Variants in TECTB observed in about 807,000 individuals in gnomAD.
TECTB encodes beta-tectorin.
TECTB carries 45 observed loss-of-function variants against 43.3 expected under a neutral mutation model. That is an observed-to-expected ratio of 1.04 (90% CI 0.82 to 1.33). The LOEUF (loss-of-function observed/expected upper bound fraction) is 1.33, where lower values mean the gene tolerates loss of function less well. Ranked by LOEUF, TECTB falls within the 40% of genes most tolerant of loss-of-function variation. The probability of loss-of-function intolerance (pLI) is 0.00; values close to 1 mark genes in which losing one functional copy is unlikely to be tolerated. For missense variants in TECTB, 399 were observed against 404.7 expected (o/e 0.99, Z 0.12); for synonymous variants, 169 against 156.7 (o/e 1.08, Z -0.59).
intron 8 of TECTB, among the ~76,000 whole-genome samples, chr10:112,298,797 G>A (rs889732518): frequency 6.6e-6 from 1 of 152,152 alleles, no homozygotes; most frequent in Admixed American, 6.5e-5. Context: ...CAGTCATGCC[G>A]GTGCTCACTC....
intron 5 of TECTB, 149 bp downstream of exon 5, chr10:112,286,540 T>C (rs1452514330): frequency 7.2e-6 from 6 of 837,896 alleles, no homozygotes; most frequent in Non-Finnish European, 1.1e-5. Context: ...GGTTTAGCTT[T>C]AAACCTCTTT....
intron 5 of TECTB, among the ~76,000 whole-genome samples, chr10:112,286,890 C>G (rs1002702096): frequency 6.6e-6 from 1 of 152,110 alleles, no homozygotes; most frequent in Non-Finnish European, 1.5e-5. Flanking sequence ...CCACTGCACT[C>G]CAGCCTGAGA....
chr10:112,287,151 G>A (rs1848461806), intron 5 of TECTB, among the ~76,000 whole-genome samples: 1 of 152,194 alleles, frequency 6.6e-6, no homozygotes, highest in African/African-American at 2.4e-5. Flanking sequence ...CTGGGACAGG[G>A]CTAAAGAGAA....
intron 10 of TECTB, chr10:112,302,787 G>C (rs532202317): frequency 1.4e-4 from 24 of 175,414 alleles, no homozygotes; most frequent in African/African-American, 5.4e-4. Context: ...TGGGGGACGT[G>C]ATTTAGAGAG....
chr10:112,298,428 C>T (rs1251239115), intron 8 of TECTB, among the ~76,000 whole-genome samples, 197 bp downstream of exon 8: 1 of 152,212 alleles, frequency 6.6e-6, no homozygotes, highest in Non-Finnish European at 1.5e-5. Flanking sequence ...CCTCCAACAA[C>T]CCACATGGTC....
rs1241922062 is a variant in TECTB at position 112,303,265 on chromosome 10, G to A, written c.943G>A (p.Val315Ile). The A allele has an allele frequency of 6.8e-6, 11 of 1,613,972 alleles. No individual in the cohort carries two copies. The highest frequency in any genetic ancestry group is 9.3e-6 in the Non-Finnish European group (11 of 1,180,012). Residue 315 changes from valine to isoleucine, a missense_variant and splice_region_variant, in exon 11 of 11, where the codon GTT (valine) becomes ATT (isoleucine). Coordinates refer to ENST00000646139, the MANE Select transcript of TECTB (RefSeq NM_058222.3). The part of the protein sequence containing the change: ...GFSSLYSFSD[V>I]LHHLIMMLGI... ...CTCCCTCCCCTTCTGGTCCACAGAT[G>A]TTCTCCACCACCTCATCATGATGTT...
chr10:112,301,097 AAAC>A (rs1177627397), intron 9 of TECTB, among the ~76,000 whole-genome samples: 1 of 152,270 alleles, frequency 6.6e-6, no homozygotes, highest in Non-Finnish European at 1.5e-5. Context: ...AAAAGAATCA[AAAC>A]AACAATATTT....
In TECTB at chr10:112,303,452, T is replaced by G; in HGVS notation, c.*140T>G. The G allele has an allele frequency of 1.0e-6, 1 of 995,208 alleles. No individual in the cohort carries two copies. The highest frequency in any genetic ancestry group is 1.5e-6 in the Non-Finnish European group (1 of 656,960). 61.6% of individuals were successfully genotyped at this position (995,208 alleles called of 1,614,324 possible). On this transcript the variant is annotated 3_prime_UTR_variant, in exon 11 of 11. Coordinates refer to ENST00000646139, the MANE Select transcript of TECTB (RefSeq NM_058222.3). ...GAATAGCACTTTGCCAAATATGCAC[T>G]CCAATAATTTCTGTGAATTTGGTGA...
chr10:112,287,842 TG>T (rs1848467447), intron 5 of TECTB, among the ~76,000 whole-genome samples: 1 of 152,236 alleles, frequency 6.6e-6, no homozygotes, highest in African/African-American at 2.4e-5. Flanking sequence ...AATTCTGTAT[TG>T]AAAAATGTGA....
intron 3 of TECTB, among the ~76,000 whole-genome samples, chr10:112,285,682 C>T (rs1329311896): frequency 6.6e-6 from 1 of 152,080 alleles, no homozygotes; most frequent in Non-Finnish European, 1.5e-5. Context: ...AGCAAAGAAC[C>T]AGAAGGGAAC....
chr10:112,286,027 G>A (rs781449024), intron 3 of TECTB, 44 bp from the exon 4 acceptor site: 61 of 1,609,854 alleles, frequency 3.8e-5, no homozygotes, highest in African/African-American at 2.5e-4. Context: ...CATTCCCATC[G>A]CGGGGAAACA....
chr10:112,287,050 T>A (rs7904701), intron 5 of TECTB, among the ~76,000 whole-genome samples: 63,100 of 152,120 alleles, frequency 0.41, 13,819 homozygotes, highest in East Asian at 0.62. Flanking sequence ...TGACTCTTAG[T>A]CAAGATTAGT....
intron 5 of TECTB, among the ~76,000 whole-genome samples, chr10:112,287,637 T>C (rs943265): frequency 0.17 from 25,286 of 152,094 alleles, 2,445 homozygotes; most frequent in East Asian, 0.34. Flanking sequence ...GCGAGAGCTG[T>C]AAGGGATCCT....
rs376528215 is a variant in TECTB at position 112,301,170 on chromosome 10, T to C, written c.908-931T>C. ...AGGCATGGTGGCTCATGCCTCTAAT[T>C]CCAGCACTTTGGGAGGCCAAGGCGG... On this transcript the variant is annotated intron_variant, in intron 9 of 10. Transcript: ENST00000646139. 1.2e-3 allele frequency among the ~76,000 whole-genome samples: 176 copies of C among 152,308 alleles called. 6 individuals carry two copies. The South Asian group carries it at 0.036, about 31-fold the overall frequency.
chr10:112,295,498 G>C (rs550151313), intron 7 of TECTB, among the ~76,000 whole-genome samples: 1 of 152,240 alleles, frequency 6.6e-6, no homozygotes, highest in African/African-American at 2.4e-5. Context: ...GACTCAGTCA[G>C]TGTTACCTCC....
chr10:112,298,692 T>G (rs1462374097), intron 8 of TECTB, among the ~76,000 whole-genome samples: 1 of 152,226 alleles, frequency 6.6e-6, no homozygotes, highest in Non-Finnish European at 1.5e-5. Context: ...CCTCTGTGAC[T>G]TCAGAGAGAT....
intron 8 of TECTB, among the ~76,000 whole-genome samples, chr10:112,299,291 T>C (rs1222562520): frequency 2.6e-5 from 4 of 152,234 alleles, no homozygotes; most frequent in African/African-American, 7.2e-5. Flanking sequence ...TTTCTCTTTG[T>C]ATTCAAGTTG....
In TECTB at chr10:112,303,416, TG is replaced by T. The variant is rs894624129; in HGVS notation, c.*110del. ...AAGAACAAACAGAAGACCACATTGT[TG>T]GGGGGCAGAGAATAGCACTTTGCCA... On this transcript the variant is annotated 3_prime_UTR_variant, in exon 11 of 11. Transcript: ENST00000646139. 5 of 1,445,572 alleles carry T rather than the reference TG, an allele frequency of 3.5e-6. No homozygotes were observed. Among genetic ancestry groups the T allele is most frequent in the Admixed American group, 1.7e-5 (1 of 59,222 alleles). The allele number at this position is 1,445,572 out of a possible 1,614,324, so 89.5% of individuals were successfully genotyped here.
At chr10:112,300,610 T>C (rs1002081252) in intron 9 of TECTB, among the ~76,000 whole-genome samples, 6 of 152,162 alleles carry the variant, frequency 3.9e-5, no homozygotes, top group African/African-American at 1.4e-4. Flanking sequence ...ATCACTAATG[T>C]GAAAATCCAA....
Sources: allele counts gnomAD v4.1 joint callset (sites outside exome capture counted in the v4.1 genomes callset), GRCh38; gene constraint gnomAD v4.1.1; transcripts MANE v1.5; gene names NCBI Gene and HGNC (gene_info 2026-07-23, HGNC 2026-07-21).